The following SLC4A4 variants were observed in gnomAD, a reference collection of about 807,000 sequenced individuals.
SLC4A4 encodes the protein electrogenic sodium bicarbonate cotransporter 1.
In SLC4A4, 27 loss-of-function variants were observed where a neutral mutation model predicts 111.5. The ratio of observed to expected loss-of-function variants is 0.24; its 90% CI spans 0.18 to 0.33. SLC4A4 has a LOEUF of 0.33. SLC4A4 is among the 10% of genes least tolerant of loss of function. The pLI is 1.00. For missense variants in SLC4A4, 909 were observed against 1,315.5 expected, an observed-to-expected ratio of 0.69 and a Z score of 4.78; for synonymous variants, 443 against 463.4, an observed-to-expected ratio of 0.96 and a Z score of 0.57.
At chr4:71,218,694 A>C (rs896284787) in intron 1 of SLC4A4, among the ~76,000 whole-genome samples, 6 of 152,172 alleles carry the variant, frequency 3.9e-5, no homozygotes, top group Non-Finnish European at 7.4e-5. Flanking sequence ...TTTAAATCTC[A>C]GTTTTATCAT....
At chr4:71,302,698 C>T (rs1300739112) in intron 3 of SLC4A4, among the ~76,000 whole-genome samples, 1 of 152,162 alleles carries the variant, frequency 6.6e-6, no homozygotes, top group Non-Finnish European at 1.5e-5. Context: ...ATGGGACACA[C>T]ATCTAGACAC....
chr4:71,424,080 G>A (rs1418785913), intron 7 of SLC4A4, among the ~76,000 whole-genome samples: 14 of 151,986 alleles, frequency 9.2e-5, no homozygotes, highest in Non-Finnish European at 1.8e-4. Flanking sequence ...GAAAATTTTC[G>A]CAACCTACTC....
chr4:71,557,594 C>T, intron 21 of SLC4A4, 118 bp from the exon 22 acceptor site: 3 of 980,050 alleles, frequency 3.1e-6, no homozygotes, highest in Non-Finnish European at 4.8e-6. Flanking sequence ...ATTCCTTTGT[C>T]CTCTGAAAAG....
At chr4:71,343,982 C>G (rs1322567310) in intron 4 of SLC4A4, among the ~76,000 whole-genome samples, 1 of 152,096 alleles carries the variant, frequency 6.6e-6, no homozygotes, top group Non-Finnish European at 1.5e-5. Context: ...TCAAATATTA[C>G]CTGCTTAGTG....
intron 7 of SLC4A4, among the ~76,000 whole-genome samples, chr4:71,429,256 GA>G (rs1448930622): frequency 6.6e-6 from 1 of 152,034 alleles, no homozygotes; most frequent in African/African-American, 2.4e-5. Flanking sequence ...AGTGGAGTGT[GA>G]AAGATTGAAC....
At chr4:71,529,890 G>A (rs192662597) in intron 16 of SLC4A4, among the ~76,000 whole-genome samples, 147 of 152,178 alleles carry the variant, frequency 9.7e-4, no homozygotes, top group Middle Eastern at 3.4e-3. Context: ...ATGACCTCTG[G>A]TCCTCCAGTG....
At chr4:71,236,017 G>C (rs1481671867) in intron 1 of SLC4A4, 1 of 989,424 alleles carries the variant, frequency 1.0e-6, no homozygotes, top group East Asian at 1.1e-4. Context: ...AGAGAATACT[G>C]GGCTGTGCTG....
chr4:71,239,893 T>C (rs1720074132), intron 2 of SLC4A4, among the ~76,000 whole-genome samples: 2 of 152,168 alleles, frequency 1.3e-5, no homozygotes, highest in South Asian at 4.1e-4. Flanking sequence ...AAAATGTCAG[T>C]ATTTCAGATA....
At chr4:71,120,574 A>G (rs899387335) in intron 2 of SLC4A4, among the ~76,000 whole-genome samples, 1 of 152,218 alleles carries the variant, frequency 6.6e-6, no homozygotes, top group African/African-American at 2.4e-5. Flanking sequence ...GCTTTAAAAA[A>G]TATTGAAAAA....
Position 71,567,924 on chromosome 4 carries a change from T to C in SLC4A4, c.*173T>C. The C allele has an allele frequency of 8.3e-7, 1 of 1,202,330 alleles. No homozygotes were observed. The highest frequency in any genetic ancestry group is 2.7e-5 in the East Asian group (1 of 37,298). The allele number at this position is 1,202,330 out of a possible 1,614,324, so 74.5% of individuals were successfully genotyped here. On this transcript the variant is annotated 3_prime_UTR_variant, in exon 26 of 26. Coordinates refer to ENST00000264485, the MANE Select transcript of SLC4A4 (RefSeq NM_001098484.3). ...TTGTCTTTCTTAAAACTGACATTTG[T>C]TGTTAATGTCATTTGTTTTTGTTTG...
At chr4:71,418,747 A>G (rs1722048725) in intron 7 of SLC4A4, among the ~76,000 whole-genome samples, 1 of 152,232 alleles carries the variant, frequency 6.6e-6, no homozygotes, top group Non-Finnish European at 1.5e-5. Context: ...TAGCCTAACC[A>G]ACACTTAAAT....
At chr4:71,096,567 T>C (rs1742560943) in intron 2 of SLC4A4, among the ~76,000 whole-genome samples, 1 of 152,300 alleles carries the variant, frequency 6.6e-6, no homozygotes, top group South Asian at 2.1e-4. Flanking sequence ...AAAAAATCGT[T>C]AGTGCAAAAA....
chr4:71,438,807 T>C (rs1238431714), intron 7 of SLC4A4, among the ~76,000 whole-genome samples: 1 of 152,178 alleles, frequency 6.6e-6, no homozygotes, highest in Non-Finnish European at 1.5e-5. Context: ...ATTAAAATGA[T>C]ATTTCTCTAA....
chr4:71,543,900 A>ATT (rs33977974), intron 18 of SLC4A4, among the ~76,000 whole-genome samples: 7 of 151,792 alleles, frequency 4.6e-5, no homozygotes, highest in Admixed American at 1.3e-4. Flanking sequence ...AAAGTGTTAC[A>ATT]TTTTTTTCAT....
intron 7 of SLC4A4, among the ~76,000 whole-genome samples, chr4:71,432,409 G>T (rs1312288429): frequency 1.3e-5 from 2 of 152,106 alleles, no homozygotes. Flanking sequence ...TGTTATAGGG[G>T]ACAATTTATA....
At chr4:71,389,673 C>A (rs944216696) in intron 6 of SLC4A4, among the ~76,000 whole-genome samples, 2 of 152,170 alleles carry the variant, frequency 1.3e-5, no homozygotes, top group Admixed American at 1.3e-4. Flanking sequence ...AGTGTGCACA[C>A]AGCATCTCCC....
intron 2 of SLC4A4, among the ~76,000 whole-genome samples, chr4:71,243,430 T>G (rs1335223268): frequency 6.6e-6 from 1 of 152,190 alleles, no homozygotes; most frequent in Non-Finnish European, 1.5e-5. Context: ...AACTGAGAAT[T>G]GGGCCTGATG....
intron 1 of SLC4A4, among the ~76,000 whole-genome samples, chr4:71,067,690 G>C (rs1741556511): frequency 6.6e-6 from 1 of 152,150 alleles, no homozygotes; most frequent in Non-Finnish European, 1.5e-5. Flanking sequence ...TGAATAAAAG[G>C]AAATACCAGG....
chr4:71,471,114 A>G (rs905675320), intron 13 of SLC4A4, among the ~76,000 whole-genome samples: 5 of 152,018 alleles, frequency 3.3e-5, no homozygotes, highest in Non-Finnish European at 5.9e-5. Context: ...TTGAGCTATC[A>G]TAGGAACAGT....
Sources: gnomAD v4.1 joint callset for allele counts (sites outside exome capture counted in the v4.1 genomes callset) on GRCh38, gnomAD v4.1.1 for gene constraint, MANE v1.5 for transcripts, NCBI Gene and HGNC (gene_info 2026-07-23, HGNC 2026-07-21) for gene names.